Variants in IL17RA observed in about 807,000 individuals in gnomAD.
IL17RA encodes the protein interleukin-17 receptor A.
IL17RA carries 34 observed loss-of-function variants against 50.4 expected under a neutral mutation model. The observed-to-expected ratio is 0.67, with a 90% confidence interval of 0.51 to 0.90. The LOEUF is 0.90. Among genes scored for constraint, IL17RA ranks in the 40% least tolerant of loss-of-function variants. IL17RA has a pLI of 0.00. For missense variants in IL17RA, 1,276 were observed against 1,169.8 expected, an observed-to-expected ratio of 1.09 and a Z score of -1.32; for synonymous variants, 585 against 510.4, an observed-to-expected ratio of 1.15 and a Z score of -1.97.
intron 4 of IL17RA, 87 bp downstream of exon 4, chr22:17,098,974 G>C: frequency 9.1e-7 from 1 of 1,093,776 alleles, no homozygotes; most frequent in South Asian, 1.3e-5. Flanking sequence ...CTGATTTAGA[G>C]TGGGGGAGAC....
chr22:17,114,277 C>T lies in IL17RA; in HGVS notation c.*4457C>T, dbSNP rs1177342168. The T allele has an allele frequency of 6.6e-6, 1 of 152,510 alleles. No homozygotes were observed. The highest frequency in any genetic ancestry group is 1.5e-5 in the Non-Finnish European group (1 of 68,228). The allele number at this position is 152,510 out of a possible 1,614,324, so 9.4% of individuals were successfully genotyped here. On this transcript the variant is annotated 3_prime_UTR_variant, in exon 13 of 13. Transcript: ENST00000319363. ...TCCAGGTCCATCTTGCCCTCCACCT[C>T]TGCATGGCTCTCCATGCCCCATCGC...
chr22:17,109,774 C>A lies in IL17RA; in HGVS notation c.2555C>A (p.Ser852Ter). The change falls in exon 13 of 13, where the codon TCG becomes TAG. Residue 852 changes from serine to a stop codon, truncating the protein, a stop_gained. Transcript: ENST00000319363. LOFTEE classifies it high-confidence loss of function. ...QLLFRQLQKN[S>*]GWDTMGSESE... Reference sequence around the variant, plus strand: ...CTTTTCCGCCAGCTGCAGAAGAACTCGGGCTGGGACACGATGGGGTCAGAG... The same window carrying A: ...CTTTTCCGCCAGCTGCAGAAGAACTAGGGCTGGGACACGATGGGGTCAGAG... The A allele has an allele frequency of 1.3e-6, 2 of 1,552,140 alleles. No individual in the cohort carries two copies. The highest frequency in any genetic ancestry group is 8.7e-7 in the Non-Finnish European group (1 of 1,148,092).
intron 4 of IL17RA, among the ~76,000 whole-genome samples, chr22:17,099,122 C>G (rs2123799435): frequency 6.6e-6 from 1 of 152,184 alleles, no homozygotes; most frequent in South Asian, 2.1e-4. Flanking sequence ...ACCTGCTCAC[C>G]CCTGGTTTTT....
chr22:17,106,973 G>T (rs1389885939), intron 11 of IL17RA, among the ~76,000 whole-genome samples: 2 of 152,210 alleles, frequency 1.3e-5, no homozygotes, highest in Non-Finnish European at 2.9e-5. Flanking sequence ...TCTTGTGACA[G>T]TTCTGGGGAA....
In IL17RA at chr22:17,085,127, G is replaced by T. The variant is rs886057200; in HGVS notation, c.36G>T (p.Pro12=). ...CACGCAGCCCGCCGTCCGCTGTCCC[G>T]GGGCCCCTGCTGGGGCTGCTCCTGC... The part of the protein sequence containing the change: ...GAARSPPSAV[P]GPLLGLLLLL... Residue 12 remains proline (P), a synonymous_variant, in exon 1 of 13, where the codon CCG becomes CCT. Transcript: ENST00000319363. 1.6e-5 allele frequency: 24 copies of T among 1,459,122 alleles called. No homozygotes were observed. Among genetic ancestry groups the T allele is most frequent in the Non-Finnish European group, 2.2e-5 (24 of 1,107,214 alleles). The allele number at this position is 1,459,122 out of a possible 1,614,324, so 90.4% of individuals were successfully genotyped here.
intron 1 of IL17RA, among the ~76,000 whole-genome samples, chr22:17,094,265 G>T (rs560787000): frequency 7.9e-5 from 12 of 152,110 alleles, no homozygotes; most frequent in African/African-American, 2.9e-4. Flanking sequence ...GGGATTACAC[G>T]CATGAGCCAC....
chr22:17,099,658 T>A (rs41356752), intron 4 of IL17RA, among the ~76,000 whole-genome samples: 5,712 of 152,122 alleles, frequency 0.038, 128 homozygotes, highest in South Asian at 0.084. Flanking sequence ...CCCTCTCCGA[T>A]GTTAAATTAG....
At chr22:17,098,946 T>C in intron 4 of IL17RA, 59 bp downstream of exon 4, 1 of 1,387,230 alleles carries the variant, frequency 7.2e-7, no homozygotes, top group Non-Finnish European at 1.0e-6. Flanking sequence ...ACAGACTTCT[T>C]GTCCCCAAAT....
intron 1 of IL17RA, among the ~76,000 whole-genome samples, chr22:17,095,015 AT>A (rs905534287): frequency 1.2e-4 from 18 of 151,654 alleles, no homozygotes; most frequent in Non-Finnish European, 1.0e-4. Flanking sequence ...AAAGCTGTCC[AT>A]TTTTTTTAAA....
At position 17,108,703 on chromosome 22, in the gene IL17RA, G is replaced by C; in HGVS notation, c.1484G>C (p.Cys495Ser). ...MILPDFKRPA[C>S]FGTYVVCYFS... ...CTCCCGGACTTCAAGAGGCCAGCCT[G>C]CTTCGGCACCTACGTAGTCTGCTAC... Residue 495 changes from cysteine (C) to serine (S), a missense_variant, in exon 13 of 13, where the codon TGC (cysteine) becomes TCC (serine). Coordinates refer to ENST00000319363, the MANE Select transcript of IL17RA (RefSeq NM_014339.7). 6.2e-7 allele frequency: 1 copy of C among 1,610,032 alleles called. No homozygotes were observed. The highest frequency in any genetic ancestry group is 8.5e-7 in the Non-Finnish European group (1 of 1,179,862).
chr22:17,112,813 C>T lies in IL17RA; in HGVS notation c.*2993C>T, dbSNP rs1189131771. 6.6e-6 allele frequency: 1 copy of T among 152,128 alleles called. No homozygotes were observed. Among genetic ancestry groups the T allele is most frequent in the East Asian group, 1.9e-4 (1 of 5,184 alleles). 9.4% of individuals were successfully genotyped at this position (152,128 alleles called of 1,614,324 possible). ...AGAACAGGTGCCCTCCACGCTGTGCCCCTCCCACCTCTTCAGCTCGTCTCC... is the reference window on the plus strand; with the variant it reads ...AGAACAGGTGCCCTCCACGCTGTGCTCCTCCCACCTCTTCAGCTCGTCTCC... On this transcript the variant is annotated 3_prime_UTR_variant, in exon 13 of 13. Coordinates refer to ENST00000319363, the MANE Select transcript of IL17RA (RefSeq NM_014339.7).
intron 1 of IL17RA, among the ~76,000 whole-genome samples, chr22:17,086,695 A>G (rs886622316): frequency 2.6e-5 from 4 of 152,170 alleles, no homozygotes; most frequent in Admixed American, 2.0e-4. Context: ...TGCTAAGTGT[A>G]CGGAATTCCA....
chr22:17,111,010 T>C lies in IL17RA; in HGVS notation c.*1190T>C, dbSNP rs1203751863. On this transcript the variant is annotated 3_prime_UTR_variant, in exon 13 of 13. Transcript: ENST00000319363. ...GGTAAGTGCTGGGAGGTGAGTGGAGTGAGCTTGTCAGGGAGCTGCTGGTGG... is the reference window on the plus strand; with the variant it reads ...GGTAAGTGCTGGGAGGTGAGTGGAGCGAGCTTGTCAGGGAGCTGCTGGTGG... 7.2e-6 allele frequency: 1 copy of C among 139,742 alleles called. No individual in the cohort carries two copies. The highest frequency in any genetic ancestry group is 1.5e-5 in the Non-Finnish European group (1 of 65,982). 8.7% of individuals were successfully genotyped at this position (139,742 alleles called of 1,614,324 possible). A position where few individuals can be genotyped will look rare whatever the true frequency, so the allele number is the denominator to read the frequency against.
At chr22:17,105,504 C>A in intron 9 of IL17RA, 87 bp from the exon 10 acceptor site, 2 of 1,306,058 alleles carry the variant, frequency 1.5e-6, no homozygotes, top group Non-Finnish European at 2.2e-6. Context: ...ATCATTAAAG[C>A]CCTCAAGGGA....
At chr22:17,096,869 CAAAA>C (rs5844287) in intron 1 of IL17RA, among the ~76,000 whole-genome samples, 189 bp from the exon 2 acceptor site, 5 of 116,096 alleles carry the variant, frequency 4.3e-5, no homozygotes, top group Admixed American at 1.8e-4. Context: ...GACTCCATCT[CAAAA>C]AAAAAAAAAA....
chr22:17,098,931 C>T, intron 4 of IL17RA, 44 bp downstream of exon 4: 5 of 1,455,976 alleles, frequency 3.4e-6, no homozygotes, highest in Middle Eastern at 1.7e-4. Flanking sequence ...ACTGATGACA[C>T]CAGTACAGAC....
rs1218180010 is a variant in IL17RA, at chr22:17,085,000, G to C, written c.-92G>C. ...AGCCGGAAGCGAGCAAAGTGGAGCC[G>C]ACTCGAACTCCACCGCGGAAAAGAA... On this transcript the variant is annotated 5_prime_UTR_variant, in exon 1 of 13. Transcript: ENST00000319363. The C allele has an allele frequency of 8.8e-6, 11 of 1,249,714 alleles. No individual in the cohort carries two copies. Among genetic ancestry groups the C allele is most frequent in the Admixed American group, 4.2e-5 (1 of 23,604 alleles). 77.4% of individuals were successfully genotyped at this position (1,249,714 alleles called of 1,614,324 possible).
intron 11 of IL17RA, among the ~76,000 whole-genome samples, chr22:17,106,866 G>A (rs542910547): frequency 9.9e-5 from 15 of 152,282 alleles, no homozygotes; most frequent in African/African-American, 2.9e-4. Flanking sequence ...GGGCGGCGGC[G>A]GCGCTTTTGG....
Position 17,109,234 on chromosome 22 carries a change from C to T in IL17RA, c.2015C>T (p.Ala672Val). 6.7e-7 allele frequency: 1 copy of T among 1,492,740 alleles called. No homozygotes were observed. The highest frequency in any genetic ancestry group is 8.9e-7 in the Non-Finnish European group (1 of 1,127,066). The allele number at this position is 1,492,740 out of a possible 1,614,324, so 92.5% of individuals were successfully genotyped here. A position where few individuals can be genotyped will look rare whatever the true frequency, so the allele number is the denominator to read the frequency against. Residue 672 changes from alanine (A) to valine (V), a missense_variant, in exon 13 of 13, where the codon GCA (alanine) becomes GTA (valine). Physicochemically the swap from Ala to Val is moderately conservative, Grantham distance 64. Transcript: ENST00000319363. ...CCCCTCCACACCCTGGTGCTCGCCG[C>T]AGAGGAGGGGGCCCTGGTGGCCGCG... ...PQPLHTLVLA[A>V]EEGALVAAVE...
Sources: allele counts gnomAD v4.1 joint callset (sites outside exome capture counted in the v4.1 genomes callset), GRCh38; gene constraint gnomAD v4.1.1; transcripts MANE v1.5; gene names NCBI Gene and HGNC (gene_info 2026-07-23, HGNC 2026-07-21).